Variants in GPHN observed in about 807,000 individuals in gnomAD.
GPHN encodes gephyrin.
GPHN carries 17 observed loss-of-function variants against 95.5 expected under a neutral mutation model. The ratio of observed to expected loss-of-function variants is 0.18; its 90% CI spans 0.12 to 0.27. The LOEUF (loss-of-function observed/expected upper bound fraction) is 0.27, where lower values mean the gene tolerates loss of function less well. Among genes scored for constraint, GPHN ranks in the 10% least tolerant of loss-of-function variants. GPHN has a pLI of 1.00. For synonymous variants in GPHN, 320 were observed against 322.5 expected, an observed-to-expected ratio of 0.99 and a Z score of 0.08; for missense variants, 660 against 978.1, an observed-to-expected ratio of 0.67 and a Z score of 4.34.
At chr14:67,362,886 A>G in the GPHN span, among the ~76,000 whole-genome samples, 1 of 152,232 alleles carries the variant, frequency 6.6e-6, no homozygotes, top group Non-Finnish European at 1.5e-5. Context: ...CATACCATCA[A>G]CAGTATTCCT....
At chr14:67,678,232 G>A in the GPHN span, 2 of 907,868 alleles carry the variant, frequency 2.2e-6, no homozygotes, top group Non-Finnish European at 3.6e-6. Context: ...TGTGCTAAAG[G>A]TTTTGAAAAC....
chr14:66,592,859 T>C (rs11689860), intron 1 of GPHN, among the ~76,000 whole-genome samples: 1,898 of 152,296 alleles, frequency 0.012, 38 homozygotes, highest in African/African-American at 0.043. Flanking sequence ...CATACGTTTA[T>C]TGCAGCAATA....
chr14:67,133,200 A>G (rs1377882354), intron 17 of GPHN, among the ~76,000 whole-genome samples: 1 of 152,076 alleles, frequency 6.6e-6, no homozygotes, highest in Non-Finnish European at 1.5e-5. Context: ...AGATGTCCTC[A>G]GCTATTTTTT....
chr14:67,011,226 A>T (rs1386959717), intron 9 of GPHN, among the ~76,000 whole-genome samples: 1 of 152,116 alleles, frequency 6.6e-6, no homozygotes, highest in Non-Finnish European at 1.5e-5. Flanking sequence ...AAACTGAACA[A>T]TTGTGACAAA....
At chr14:67,223,520 C>T in the GPHN span, among the ~76,000 whole-genome samples, 5 of 152,204 alleles carry the variant, frequency 3.3e-5, no homozygotes, top group Non-Finnish European at 7.3e-5. Flanking sequence ...CTTCGACAAT[C>T]TAGCAGGCAG....
chr14:67,466,623 T>TG, the GPHN span, among the ~76,000 whole-genome samples: 1 of 152,230 alleles, frequency 6.6e-6, no homozygotes, highest in Non-Finnish European at 1.5e-5. Context: ...ACTCACTACG[T>TG]GCTTCCTTTG....
chr14:67,341,184 G>C, the GPHN span, among the ~76,000 whole-genome samples: 2 of 152,150 alleles, frequency 1.3e-5, no homozygotes, highest in Non-Finnish European at 2.9e-5. Context: ...AGTCTGGAAA[G>C]TGAGGAGCGT....
the GPHN span, among the ~76,000 whole-genome samples, chr14:67,640,473 G>A: frequency 6.6e-6 from 1 of 152,158 alleles, no homozygotes; most frequent in Non-Finnish European, 1.5e-5. Flanking sequence ...TATGGTCACT[G>A]CTCCTCAAAT....
chr14:67,144,247 AAAAATATATATATATATATATATAT>A (rs2080709018), intron 18 of GPHN, among the ~76,000 whole-genome samples: 1 of 68,528 alleles, frequency 1.5e-5, no homozygotes, highest in Non-Finnish European at 2.2e-5. Flanking sequence ...AAAAAAAAAA[AAAAATATATATATATATATATATAT>A]ATATATATAT....
At chr14:67,600,211 C>T in the GPHN span, 35 of 1,563,618 alleles carry the variant, frequency 2.2e-5, no homozygotes, top group African/African-American at 4.5e-4. Flanking sequence ...CATGACGCCC[C>T]CACTCGGCCG....
the GPHN span, among the ~76,000 whole-genome samples, chr14:67,407,246 C>G: frequency 6.6e-6 from 1 of 151,956 alleles, no homozygotes; most frequent in African/African-American, 2.4e-5. Context: ...CTCAGCCTCC[C>G]GAGTAGCTGG....
Position 67,111,915 on chromosome 14 carries a change from A to G in GPHN, c.1468A>G (p.Ile490Val), listed in dbSNP as rs1264680554. The G allele has an allele frequency of 6.2e-7, 1 of 1,611,022 alleles. No individual in the cohort carries two copies. Among genetic ancestry groups the G allele is most frequent in the Admixed American group, 1.7e-5 (1 of 60,010 alleles). The change falls in exon 15 of 23, where the codon ATC becomes GTC. Residue 490 changes from isoleucine to valine, a missense_variant. Ile to Val is a conservative substitution (Grantham distance 29). Around this residue, in one of 6 missense-constraint regions of GPHN, gnomAD observed 257 missense variants for 376.2 expected, o/e 0.68. Transcript: ENST00000478722. ...GGTGCAAGCTCGGCCAGGCCAAGAT[A>G]TCAGGTAACTTCAAAACACATAGAA... ...ILVQARPGQD[I>V]RPIGHDIKRG...
intron 9 of GPHN, among the ~76,000 whole-genome samples, chr14:66,971,253 G>A (rs940734149): frequency 3.3e-5 from 5 of 152,134 alleles, no homozygotes; most frequent in Non-Finnish European, 5.9e-5. Context: ...GCTTGAACAC[G>A]GGAGGCGGAG....
chr14:67,213,375 T>C, the GPHN span, among the ~76,000 whole-genome samples: 1 of 133,382 alleles, frequency 7.5e-6, no homozygotes. Flanking sequence ...CCATGTGTTC[T>C]CATTGTTCAA....
the GPHN span, among the ~76,000 whole-genome samples, chr14:67,704,288 C>A: frequency 2.0e-5 from 3 of 152,110 alleles, no homozygotes; most frequent in East Asian, 5.8e-4. Context: ...AGAAAGCCTC[C>A]TAAATCATTA....
chr14:67,056,028 G>A (rs548718261), intron 10 of GPHN, among the ~76,000 whole-genome samples: 22 of 152,316 alleles, frequency 1.4e-4, no homozygotes, highest in African/African-American at 2.6e-4. Context: ...AAGGCAGCAC[G>A]GACCCAAAGA....
chr14:67,593,895 G>A, the GPHN span: 5 of 1,613,706 alleles, frequency 3.1e-6, no homozygotes, highest in Non-Finnish European at 4.2e-6. Flanking sequence ...ACAAAATGGA[G>A]ATAACCAAGC....
intron 9 of GPHN, among the ~76,000 whole-genome samples, chr14:67,004,812 C>T (rs1249325067): frequency 6.6e-6 from 1 of 151,608 alleles, no homozygotes; most frequent in Non-Finnish European, 1.5e-5. Context: ...GAGATGGTGT[C>T]AGGTTGGTAG....
intron 10 of GPHN, among the ~76,000 whole-genome samples, chr14:67,048,708 G>T (rs2075153385): frequency 6.6e-6 from 1 of 152,068 alleles, no homozygotes; most frequent in African/African-American, 2.4e-5. Context: ...TAGTCTACCT[G>T]CAAATTAACA....
Sources: allele counts gnomAD v4.1 joint callset (sites outside exome capture counted in the v4.1 genomes callset), GRCh38; gene constraint gnomAD v4.1.1; regional missense constraint gnomAD v4.1.1; transcripts MANE v1.5; gene names NCBI Gene and HGNC (gene_info 2026-07-23, HGNC 2026-07-21).